IRS1: variants seen among roughly 807,000 people sequenced by gnomAD.
The protein encoded by IRS1 is insulin receptor substrate 1.
A neutral mutation model predicts 65.6 loss-of-function variants in IRS1; 34 were observed. The ratio of observed to expected loss-of-function variants is 0.52; its 90% CI spans 0.39 to 0.69. The LOEUF is 0.69. Among genes scored for constraint, IRS1 ranks in the 30% least tolerant of loss-of-function variants. The probability of loss-of-function intolerance (pLI) is 0.00; values close to 1 mark genes in which losing one functional copy is unlikely to be tolerated. For missense variants in IRS1, 1,641 were observed against 1,720.2 expected (o/e 0.95, Z 0.81); for synonymous variants, 699 against 683.5 (o/e 1.02, Z -0.35).
In IRS1 at chr2:226,796,786, T is replaced by C; in HGVS notation, c.1953A>G (p.Arg651=). The C allele has an allele frequency of 6.3e-7, 1 of 1,584,602 alleles. No individual in the cohort carries two copies. The highest frequency in any genetic ancestry group is 8.6e-7 in the Non-Finnish European group (1 of 1,163,634). The change falls in exon 1 of 2, where the codon AGA becomes AGG. Residue 651 remains arginine (R), a synonymous_variant. Coordinates refer to ENST00000305123, the MANE Select transcript of IRS1 (RefSeq NM_005544.3). The part of the protein sequence containing the change: ...SAPQQIINPI[R]RHPQRVDPNG... ...TGGGGTCCACTCTCTGGGGATGGCG[T>C]CTGATGGGATTGATGATCTGCTGTG...
rs1343073519 is a variant in IRS1 at position 226,734,638 on chromosome 2, T to C, written c.*1634A>G. The C allele has an allele frequency of 1.3e-5, 2 of 152,324 alleles. No homozygotes were observed. Among genetic ancestry groups the C allele is most frequent in the East Asian group, 1.9e-4 (1 of 5,190 alleles). 9.4% of individuals were successfully genotyped at this position (152,324 alleles called of 1,614,324 possible). ...CTCCTCCCAATAGTAGGGATGCGAA[T>C]TCCTGATAGAGAGATAGAGGCTCCC... On this transcript the variant is annotated 3_prime_UTR_variant, in exon 2 of 2. Coordinates refer to ENST00000305123, the MANE Select transcript of IRS1 (RefSeq NM_005544.3).
At chr2:226,768,843 G>A (rs1006256968) in intron 1 of IRS1, among the ~76,000 whole-genome samples, 6 of 152,108 alleles carry the variant, frequency 3.9e-5, no homozygotes, top group Admixed American at 2.6e-4. Context: ...CACCATGTTG[G>A]TCAGGCTGGT....
chr2:226,784,563 C>T (rs1939451720), intron 1 of IRS1, among the ~76,000 whole-genome samples: 1 of 152,170 alleles, frequency 6.6e-6, no homozygotes, highest in African/African-American at 2.4e-5. Context: ...GCTGGGATTA[C>T]AGGCGCCTGC....
intron 1 of IRS1, among the ~76,000 whole-genome samples, chr2:226,784,444 TAG>T (rs552362517): frequency 1.3e-4 from 20 of 152,224 alleles, no homozygotes; most frequent in African/African-American, 4.6e-4. Flanking sequence ...ATTTTTTAGA[TAG>T]AGTTTCGCTC....
intron 1 of IRS1, among the ~76,000 whole-genome samples, chr2:226,786,004 T>C (rs966640377): frequency 1.1e-4 from 16 of 149,716 alleles, no homozygotes; most frequent in Non-Finnish European, 1.8e-4. Context: ...TTTGGTTTTT[T>C]GTCCTTGCGA....
chr2:226,780,622 C>A (rs905430690), intron 1 of IRS1, among the ~76,000 whole-genome samples: 2 of 152,022 alleles, frequency 1.3e-5, no homozygotes, highest in African/African-American at 4.8e-5. Context: ...CTTGTCAAAA[C>A]AAAGCAAAGT....
intron 1 of IRS1, among the ~76,000 whole-genome samples, chr2:226,738,308 A>C (rs1005524055): frequency 1.3e-5 from 2 of 152,204 alleles, no homozygotes; most frequent in African/African-American, 4.8e-5. Context: ...CCAACCTCAT[A>C]TCTTTTTCCC....
chr2:226,769,545 T>G (rs1323191183), intron 1 of IRS1, among the ~76,000 whole-genome samples: 1 of 152,194 alleles, frequency 6.6e-6, no homozygotes, highest in African/African-American at 2.4e-5. Context: ...GATCTAGACA[T>G]GCAGATGTTG....
chr2:226,799,081 C>T lies in IRS1; in HGVS notation c.-343G>A. On this transcript the variant is annotated 5_prime_UTR_variant, in exon 1 of 2. Transcript: ENST00000305123. This position sits in a 1 kb window ranked among gnomAD's most constrained non-coding sequence, Gnocchi z 6.1. ...AGCGAAGATGCATCTCTCGTCGCCC[C>T]GGCTGGAGTCCGGCACAGGGAGGCG... 1.6e-6 allele frequency: 2 copies of T among 1,241,266 alleles called. No individual in the cohort carries two copies. The highest frequency in any genetic ancestry group is 2.1e-6 in the Non-Finnish European group (2 of 974,706). The allele number at this position is 1,241,266 out of a possible 1,614,324, so 76.9% of individuals were successfully genotyped here.
At chr2:226,791,655 C>T (rs1197685733) in intron 1 of IRS1, among the ~76,000 whole-genome samples, 1 of 152,024 alleles carries the variant, frequency 6.6e-6, no homozygotes, top group African/African-American at 2.4e-5. Context: ...CCACCACCGC[C>T]AGGGGACCCG....
intron 1 of IRS1, among the ~76,000 whole-genome samples, chr2:226,749,785 G>C (rs1938636574): frequency 6.6e-6 from 1 of 152,176 alleles, no homozygotes; most frequent in Admixed American, 6.5e-5. Context: ...GCACCTGGAT[G>C]AGTTATTCCA....
chr2:226,756,814 T>A (rs1574646464), intron 1 of IRS1, among the ~76,000 whole-genome samples: 1 of 152,020 alleles, frequency 6.6e-6, no homozygotes, highest in Admixed American at 6.6e-5. Flanking sequence ...ATACAAAAAT[T>A]AGCTGGGCAC....
At chr2:226,768,647 T>G (rs1939101961) in intron 1 of IRS1, among the ~76,000 whole-genome samples, 1 of 152,144 alleles carries the variant, frequency 6.6e-6, no homozygotes, top group Admixed American at 6.5e-5. Context: ...TTCTGGCTGT[T>G]ACTAAACCAA....
intron 1 of IRS1, among the ~76,000 whole-genome samples, chr2:226,785,432 G>C (rs531867384): frequency 6.6e-6 from 1 of 151,996 alleles, no homozygotes; most frequent in South Asian, 2.1e-4. Context: ...GTGAAACCCT[G>C]TCTCTACTAA....
rs561733647 is a variant in IRS1, at chr2:226,787,536, T to C, written c.*21+7453A>G. Among the ~76,000 whole-genome samples, 38 of 152,248 alleles carry C rather than the reference T, an allele frequency of 2.5e-4. No homozygotes were observed. In the South Asian group the frequency reaches 3.5e-3, roughly 14 times the overall value. ...TCCATGAATCTACCTTCATCCCCTT[T>C]CAATAAAAGGTGTACTATTTGGAAC... is the stretch of plus-strand genomic sequence containing the variant. On this transcript the variant is annotated intron_variant, in intron 1 of 1. Transcript: ENST00000305123.
In IRS1 at chr2:226,796,407, C is replaced by T. The variant is rs752902060; in HGVS notation, c.2332G>A (p.Gly778Arg). 1.9e-5 allele frequency: 30 copies of T among 1,613,230 alleles called. No homozygotes were observed. Among genetic ancestry groups the T allele is most frequent in the South Asian group, 1.3e-4 (12 of 91,086 alleles). Residue 778 changes from glycine to arginine, a missense_variant, in exon 1 of 2, where the codon GGG (glycine) becomes AGG (arginine). Gly to Arg is a moderately radical substitution (Grantham distance 125). This residue lies in a region of IRS1 where 1,324 missense variants were observed against 1,361.0 expected (regional missense o/e 0.97). Coordinates refer to ENST00000305123, the MANE Select transcript of IRS1 (RefSeq NM_005544.3). ...TGCCGGGCACCCTCCTCCGGCTCCCCGGGGCGCTGGGTGTGCTTAAAGGAT... is the reference window on the plus strand; with the variant it reads ...TGCCGGGCACCCTCCTCCGGCTCCCTGGGGCGCTGGGTGTGCTTAAAGGAT... ...PRSFKHTQRP[G>R]EPEEGARHQH...
intron 1 of IRS1, among the ~76,000 whole-genome samples, chr2:226,773,147 A>T (rs753131858): frequency 7.2e-5 from 11 of 152,228 alleles, no homozygotes; most frequent in Non-Finnish European, 1.2e-4. Context: ...GAAACTTTGA[A>T]ACAAAGGCCA....
intron 1 of IRS1, among the ~76,000 whole-genome samples, chr2:226,775,037 G>T (rs1260740958): frequency 6.6e-6 from 1 of 152,138 alleles, no homozygotes. Context: ...TTAAGCATTT[G>T]TCAAAACCCA....
At chr2:226,738,704 T>C (rs1938378309) in intron 1 of IRS1, among the ~76,000 whole-genome samples, 1 of 152,202 alleles carries the variant, frequency 6.6e-6, no homozygotes, top group Non-Finnish European at 1.5e-5. Flanking sequence ...TCTTATTTAC[T>C]GTCAAGATTC....
Sources: gnomAD v4.1 joint callset for allele counts (sites outside exome capture counted in the v4.1 genomes callset) on GRCh38, gnomAD v4.1.1 for gene constraint, gnomAD v4.1.1 regional missense constraint, Gnocchi (gnomAD v3.1) non-coding constraint, MANE v1.5 for transcripts, NCBI Gene and HGNC (gene_info 2026-07-23, HGNC 2026-07-21) for gene names.